SGCZ: variants seen among roughly 807,000 people sequenced by gnomAD.
The protein encoded by SGCZ is sarcoglycan zeta.
Under a neutral mutation model 41.3 loss-of-function variants are expected in SGCZ, and 40 were observed. The ratio of observed to expected loss-of-function variants is 0.97; its 90% confidence interval spans 0.75 to 1.26. The LOEUF is 1.26. Ranked by LOEUF, SGCZ falls within the 50% of genes most tolerant of loss-of-function variation. The pLI, the probability that SGCZ is intolerant of heterozygous loss-of-function variation, is 0.00. For missense variants in SGCZ, 552 were observed against 369.8 expected (o/e 1.49, Z -4.04); for synonymous variants, 206 against 137.5 (o/e 1.50, Z -3.49).
chr8:15,044,044 G>T (rs945168248), intron 1 of SGCZ, among the ~76,000 whole-genome samples: 7 of 151,998 alleles, frequency 4.6e-5, no homozygotes, highest in African/African-American at 1.7e-4. Context: ...ATGCTTTCCT[G>T]CAAAATAAAG....
chr8:14,888,008 G>A (rs1381769586), intron 1 of SGCZ, among the ~76,000 whole-genome samples: 2 of 152,100 alleles, frequency 1.3e-5, no homozygotes, highest in African/African-American at 2.4e-5. Flanking sequence ...TGAGGTGATA[G>A]ATGTGTTGAT....
At chr8:14,448,135 C>A (rs745734736) in intron 2 of SGCZ, among the ~76,000 whole-genome samples, 4 of 152,072 alleles carry the variant, frequency 2.6e-5, no homozygotes, top group Non-Finnish European at 5.9e-5. Flanking sequence ...AATGTAGATG[C>A]TAAGAAGATA....
At chr8:15,115,411 G>A (rs1266084423) in intron 1 of SGCZ, among the ~76,000 whole-genome samples, 1 of 152,202 alleles carries the variant, frequency 6.6e-6, no homozygotes, top group Non-Finnish European at 1.5e-5. Context: ...ATGTACATAA[G>A]CAATAGTAAT....
At chr8:14,684,454 ACT>A (rs924408823) in intron 1 of SGCZ, among the ~76,000 whole-genome samples, 5 of 152,148 alleles carry the variant, frequency 3.3e-5, no homozygotes, top group East Asian at 1.9e-4. Context: ...TCTGTTACTG[ACT>A]CTGGCTAAAA....
intron 1 of SGCZ, among the ~76,000 whole-genome samples, chr8:14,931,332 G>A (rs1443966134): frequency 6.6e-6 from 1 of 151,976 alleles, no homozygotes; most frequent in African/African-American, 2.4e-5. Context: ...ATTTCAAATA[G>A]TTTGATCTAT....
At chr8:14,349,888 T>C (rs1427169384) in intron 2 of SGCZ, among the ~76,000 whole-genome samples, 3 of 152,118 alleles carry the variant, frequency 2.0e-5, no homozygotes, top group African/African-American at 7.2e-5. Context: ...TACAGACACA[T>C]AATAGATACA....
Position 14,401,822 on chromosome 8 carries a change from C to T in SGCZ, c.235-77618G>A, listed in dbSNP as rs899195480. Among the ~76,000 whole-genome samples, 12 of 150,756 alleles carry T rather than the reference C, an allele frequency of 8.0e-5. No individual in the cohort carries two copies. In the East Asian group the frequency reaches 2.1e-3, roughly 27 times the overall value. Reference sequence around the variant, plus strand: ...ATACCCAGTAATGGGATGGCTGGGTCAAATGGTATTTCTAGTTCTAGATCC... The same window carrying T: ...ATACCCAGTAATGGGATGGCTGGGTTAAATGGTATTTCTAGTTCTAGATCC... On this transcript the variant is annotated intron_variant, in intron 2 of 7. Coordinates refer to ENST00000382080, the MANE Select transcript of SGCZ (RefSeq NM_139167.4).
intron 1 of SGCZ, among the ~76,000 whole-genome samples, chr8:15,095,273 A>G (rs1806303102): frequency 1.3e-5 from 2 of 152,046 alleles, no homozygotes; most frequent in South Asian, 4.2e-4. Context: ...TAATTTTTGT[A>G]TTTTTAGTAG....
intron 1 of SGCZ, among the ~76,000 whole-genome samples, chr8:14,608,717 T>C (rs1475298812): frequency 1.4e-5 from 2 of 147,992 alleles, no homozygotes; most frequent in Non-Finnish European, 3.0e-5. Flanking sequence ...GTATGGGGGA[T>C]CCACCCCCAC....
intron 2 of SGCZ, among the ~76,000 whole-genome samples, chr8:14,441,479 G>A (rs1225693520): frequency 6.6e-6 from 1 of 152,156 alleles, no homozygotes; most frequent in Non-Finnish European, 1.5e-5. Flanking sequence ...GGAGGCTAAG[G>A]CAGGAACATC....
intron 4 of SGCZ, among the ~76,000 whole-genome samples, chr8:14,227,220 GA>G (rs1283721612): frequency 6.6e-6 from 1 of 152,070 alleles, no homozygotes; most frequent in Non-Finnish European, 1.5e-5. Context: ...AATCTTTGTA[GA>G]AAAATGAAGT....
chr8:14,955,754 G>A (rs2130843457), intron 1 of SGCZ, among the ~76,000 whole-genome samples: 1 of 151,744 alleles, frequency 6.6e-6, no homozygotes, highest in South Asian at 2.1e-4. Flanking sequence ...AAATATTTTG[G>A]ATATAATCCA....
chr8:14,647,620 T>C (rs1317198976), intron 1 of SGCZ, among the ~76,000 whole-genome samples: 4 of 152,068 alleles, frequency 2.6e-5, no homozygotes, highest in African/African-American at 9.7e-5. Flanking sequence ...AATTATTAAA[T>C]TAATATTAAA....
chr8:15,150,068 GAA>G (rs34183387), intron 1 of SGCZ, among the ~76,000 whole-genome samples: 27 of 124,054 alleles, frequency 2.2e-4, no homozygotes, highest in Non-Finnish European at 4.3e-4. Flanking sequence ...TATTCATTAT[GAA>G]AAAGTCTGAA....
chr8:14,333,176 G>C (rs73533351), intron 2 of SGCZ, among the ~76,000 whole-genome samples: 2,236 of 152,116 alleles, frequency 0.015, 61 homozygotes, highest in African/African-American at 0.05. Flanking sequence ...ACTTTAACTG[G>C]AAGTTAAGGT....
intron 1 of SGCZ, among the ~76,000 whole-genome samples, chr8:14,687,580 A>C (rs1326564730): frequency 6.6e-6 from 1 of 151,668 alleles, no homozygotes; most frequent in Non-Finnish European, 1.5e-5. Flanking sequence ...ACATTTTCTT[A>C]ATCCAGTCTA....
At chr8:14,214,435 T>C (rs1805921919) in intron 4 of SGCZ, among the ~76,000 whole-genome samples, 1 of 152,128 alleles carries the variant, frequency 6.6e-6, no homozygotes, top group Non-Finnish European at 1.5e-5. Context: ...CTTAAGCTAA[T>C]ATCAATATTG....
At chr8:14,268,603 T>C (rs544970152) in intron 3 of SGCZ, among the ~76,000 whole-genome samples, 2 of 152,096 alleles carry the variant, frequency 1.3e-5, no homozygotes, top group Admixed American at 6.5e-5. Context: ...ATACTTTACA[T>C]GTAGAACCCA....
chr8:14,441,462 C>G (rs897934627), intron 2 of SGCZ, among the ~76,000 whole-genome samples: 7 of 152,190 alleles, frequency 4.6e-5, no homozygotes, highest in African/African-American at 1.7e-4. Flanking sequence ...GTAATCCCAA[C>G]TACTCAGGAG....
Sources: allele counts gnomAD v4.1 joint callset (sites outside exome capture counted in the v4.1 genomes callset), GRCh38; gene constraint gnomAD v4.1.1; transcripts MANE v1.5; gene names NCBI Gene and HGNC (gene_info 2026-07-23, HGNC 2026-07-21).